The following ACOT12 variants were observed in gnomAD, a reference collection of about 807,000 sequenced individuals.
ACOT12 encodes the protein acetyl-coenzyme A thioesterase.
Under a neutral mutation model 67.7 loss-of-function variants are expected in ACOT12, and 51 were observed. The ratio of observed to expected loss-of-function variants is 0.75; its 90% CI spans 0.60 to 0.95. The LOEUF is 0.95. Ranked by LOEUF, ACOT12 falls within the 40% of genes least tolerant of loss-of-function variation. The probability of loss-of-function intolerance (pLI) is 0.00; values close to 1 mark genes in which losing one functional copy is unlikely to be tolerated. For missense variants in ACOT12, 734 were observed against 708.1 expected, an observed-to-expected ratio of 1.04 and a Z score of -0.41; for synonymous variants, 251 against 244.6, an observed-to-expected ratio of 1.03 and a Z score of -0.24.
At chr5:81,389,420 G>T (rs1048478224) in intron 1 of ACOT12, among the ~76,000 whole-genome samples, 53 of 152,176 alleles carry the variant, frequency 3.5e-4, no homozygotes, top group African/African-American at 1.1e-3. Context: ...AATTCTAATT[G>T]TTGTTCTCCT....
intron 2 of ACOT12, among the ~76,000 whole-genome samples, chr5:81,382,184 C>T (rs1316453836): frequency 6.6e-6 from 1 of 152,044 alleles, no homozygotes; most frequent in African/African-American, 2.4e-5. Flanking sequence ...AATTTAAATG[C>T]TTTAAAAATA....
rs571882145 is a variant in ACOT12 at position 81,376,460 on chromosome 5, G to A, written c.198-4650C>T. Among the ~76,000 whole-genome samples, 359 of 149,914 alleles carry A rather than the reference G, an allele frequency of 2.4e-3. 2 individuals are homozygous for A. Among genetic ancestry groups the A allele is most frequent in the African/African-American group, 8.5e-3 (342 of 40,036 alleles). ...GAAGCAAGAGCAAAAAAATTCAAAA[G>A]CAAGCAGAAGACAATAAATAACTAA... is the stretch of plus-strand genomic sequence containing the variant. On this transcript the variant is annotated intron_variant, in intron 2 of 14. Transcript: ENST00000307624.
chr5:81,344,952 T>C lies in ACOT12; in HGVS notation c.863A>G (p.Tyr288Cys), dbSNP rs761432561. The C allele has an allele frequency of 1.2e-6, 2 of 1,614,090 alleles. No individual in the cohort carries two copies. The highest frequency in any genetic ancestry group is 1.7e-6 in the Non-Finnish European group (2 of 1,180,042). ...GRHINSAFLI[Y>C]NAADDKENLI... ...ATTTTCCTTATCATCAGCAGCATTG[T>C]AAATGAGAAAAGCACTGTTGATGTG... The change falls in exon 8 of 15, where the codon TAC becomes TGC. Residue 288 changes from tyrosine (Y) to cysteine (C), a missense_variant. Coordinates refer to ENST00000307624, the MANE Select transcript of ACOT12 (RefSeq NM_130767.3).
At chr5:81,365,786 A>G (rs1321575840) in intron 3 of ACOT12, among the ~76,000 whole-genome samples, 1 of 152,358 alleles carries the variant, frequency 6.6e-6, no homozygotes, top group East Asian at 1.9e-4. Flanking sequence ...CTCAGGCTGA[A>G]GGTAATTTAC....
chr5:81,319,586 G>A, the ACOT12 span, among the ~76,000 whole-genome samples: 1 of 152,078 alleles, frequency 6.6e-6, no homozygotes, highest in Admixed American at 6.5e-5. Context: ...GCGTTGTGGT[G>A]CATGCCTGTA....
rs371493982 is a variant in ACOT12, at chr5:81,345,086, C to G, written c.774-45G>C. 4 of 1,606,412 alleles carry G rather than the reference C, an allele frequency of 2.5e-6. No homozygotes were observed. The African/African-American group carries it at 4.0e-5, about 16-fold the overall frequency. On this transcript the variant is annotated intron_variant, in intron 7 of 14. Transcript: ENST00000307624. ...GCGGTGGGCAAAGAGGATCTTGACC[C>G]ATCAGGCCCTCCTTGCACACCGCTG... is the stretch of plus-strand genomic sequence containing the variant.
downstream of ACOT12, among the ~76,000 whole-genome samples, chr5:81,328,270 C>CT (rs1204672265): frequency 8.5e-5 from 13 of 152,110 alleles, no homozygotes; most frequent in Admixed American, 6.5e-4. Context: ...CCCCAGCACT[C>CT]TTCATCTTTA....
chr5:81,338,081 C>A (rs979001144), intron 11 of ACOT12, among the ~76,000 whole-genome samples: 1 of 152,154 alleles, frequency 6.6e-6, no homozygotes, highest in African/African-American at 2.4e-5. Context: ...TTGATGCAAA[C>A]AAAGCAGACA....
chr5:81,321,019 G>T, the ACOT12 span, among the ~76,000 whole-genome samples: 1 of 150,076 alleles, frequency 6.7e-6, no homozygotes, highest in Non-Finnish European at 1.5e-5. Flanking sequence ...ACTCTGGGAG[G>T]CCCAGGTGGG....
At position 81,393,928 on chromosome 5, in the gene ACOT12, G is replaced by GCCCCCAT; in HGVS notation, c.127+59_127+60insATGGGGG. 7 of 1,272,542 alleles carry GCCCCCAT rather than the reference G, an allele frequency of 5.5e-6. No homozygotes were observed. In the South Asian group the frequency reaches 1.5e-4, roughly 28 times the overall value. 78.8% of individuals were successfully genotyped at this position (1,272,542 alleles called of 1,614,324 possible). ...GCCTTCCTACCCCCCCCAGCCCCCA[G>GCCCCCAT]CCGCCGCCGCTCCCGCAGCCCCGGT... On this transcript the variant is annotated intron_variant, in intron 1 of 14. Coordinates refer to ENST00000307624, the MANE Select transcript of ACOT12 (RefSeq NM_130767.3).
chr5:81,375,254 G>A (rs530930123), intron 2 of ACOT12, among the ~76,000 whole-genome samples: 6 of 152,240 alleles, frequency 3.9e-5, no homozygotes, highest in African/African-American at 1.2e-4. Flanking sequence ...CTTCATAAGC[G>A]AAGCAGAAAT....
At chr5:81,357,668 C>A (rs954308049) in intron 5 of ACOT12, among the ~76,000 whole-genome samples, 4 of 152,054 alleles carry the variant, frequency 2.6e-5, no homozygotes, top group Admixed American at 2.0e-4. Flanking sequence ...AGGATGAAAG[C>A]AGTTCTTGTA....
chr5:81,362,315 A>G (rs773738195), intron 4 of ACOT12, among the ~76,000 whole-genome samples: 3 of 151,762 alleles, frequency 2.0e-5, no homozygotes, highest in Admixed American at 6.6e-5. Flanking sequence ...ATAGGCATGC[A>G]CCACCACGCC....
chr5:81,372,624 G>T (rs1760288360), intron 2 of ACOT12, among the ~76,000 whole-genome samples: 1 of 152,098 alleles, frequency 6.6e-6, no homozygotes, highest in African/African-American at 2.4e-5. Flanking sequence ...CCTCTTCCCT[G>T]AATCTCCATC....
intron 2 of ACOT12, among the ~76,000 whole-genome samples, chr5:81,380,017 C>G (rs911755921): frequency 6.6e-6 from 1 of 152,158 alleles, no homozygotes; most frequent in African/African-American, 2.4e-5. Context: ...TAATCTGTAG[C>G]ATTTTTTGGC....
chr5:81,386,810 G>A (rs986578047), intron 1 of ACOT12, among the ~76,000 whole-genome samples: 46 of 152,094 alleles, frequency 3.0e-4, no homozygotes, highest in African/African-American at 9.2e-4. Flanking sequence ...ACCCCACTGC[G>A]CACGTATTTA....
chr5:81,348,971 A>G (rs930097436), intron 5 of ACOT12, among the ~76,000 whole-genome samples: 4 of 152,254 alleles, frequency 2.6e-5, no homozygotes, highest in Non-Finnish European at 5.9e-5. Flanking sequence ...AATGTATTCA[A>G]TTATGCTTTT....
chr5:81,332,070 T>C (rs1316863532), intron 13 of ACOT12, among the ~76,000 whole-genome samples: 1 of 152,260 alleles, frequency 6.6e-6, no homozygotes, highest in Non-Finnish European at 1.5e-5. Flanking sequence ...GGAAAAACTA[T>C]GTCTGGATAC....
downstream of ACOT12, among the ~76,000 whole-genome samples, chr5:81,328,477 T>C (rs1758728246): frequency 6.6e-6 from 1 of 152,304 alleles, no homozygotes; most frequent in East Asian, 1.9e-4. Flanking sequence ...TAAGAGCTAT[T>C]GTTAACTTTT....
Sources: allele counts gnomAD v4.1 joint callset (sites outside exome capture counted in the v4.1 genomes callset), GRCh38; gene constraint gnomAD v4.1.1; transcripts MANE v1.5; gene names NCBI Gene and HGNC (gene_info 2026-07-23, HGNC 2026-07-21).